The following LGI3 variants were observed in gnomAD, a reference collection of about 807,000 sequenced individuals.
LGI3 encodes leucine-rich repeat LGI family member 3.
LGI3 carries 47 observed loss-of-function variants against 55.4 expected under a neutral mutation model. That is an observed-to-expected ratio of 0.85 (90% confidence interval 0.67 to 1.08). The LOEUF (loss-of-function observed/expected upper bound fraction) is 1.08. Among genes scored for constraint, LGI3 ranks in the 50% least tolerant of loss-of-function variants. LGI3 has a pLI of 0.00. For missense variants in LGI3, 664 were observed against 726.3 expected, an observed-to-expected ratio of 0.91 and a Z score of 0.99; for synonymous variants, 326 against 315.0, an observed-to-expected ratio of 1.04 and a Z score of -0.37.
chr8:22,151,790 G>A, intron 6 of LGI3, 41 bp downstream of exon 6: 1 of 1,583,068 alleles, frequency 6.3e-7, no homozygotes, highest in Non-Finnish European at 8.6e-7. Flanking sequence ...GCTGCCTTGG[G>A]GTAGGCGTGG....
intron 1 of LGI3, 53 bp from the exon 2 acceptor site, chr8:22,155,516 C>T (rs753460412): frequency 1.3e-6 from 2 of 1,486,830 alleles, no homozygotes; most frequent in South Asian, 1.1e-5. Context: ...TGTGCTGAGG[C>T]AGGGAGAGGT....
rs765995086 is a variant in LGI3 at position 22,148,637 on chromosome 8, C to T, written c.1170G>A (p.Leu390=). The change falls in exon 8 of 8, where the codon CTG becomes CTA. Residue 390 remains leucine, a synonymous_variant. Transcript: ENST00000306317. This position sits in a 1 kb window ranked among gnomAD's most constrained non-coding sequence, Gnocchi z 7.0. ...GTGCCTGGGAGCTGCTGGACACAAT[C>T]AGCCGTGGCTTGCCCTCGCCGTCCA... ...EFVDGEGKPR[L]IVSSSSQAPV... 1 of 1,614,022 alleles carries T rather than the reference C, an allele frequency of 6.2e-7. No homozygotes were observed. Among genetic ancestry groups the T allele is most frequent in the Admixed American group, 1.7e-5 (1 of 60,034 alleles).
intron 2 of LGI3, 87 bp from the exon 3 acceptor site, chr8:22,154,718 C>T (rs1369070934): frequency 3.0e-6 from 3 of 987,940 alleles, no homozygotes; most frequent in East Asian, 2.4e-5. Flanking sequence ...TGGGCTTCCC[C>T]AAGACATGAC....
chr8:22,154,274 C>A, intron 3 of LGI3, 61 bp from the exon 4 acceptor site: 1 of 1,344,700 alleles, frequency 7.4e-7, no homozygotes, highest in Non-Finnish European at 1.1e-6. Flanking sequence ...CAGCAGCACT[C>A]GCCCTACGCC....
chr8:22,148,166 A>T lies in LGI3; in HGVS notation c.1641T>A (p.Ser547Arg). Residue 547 changes from serine to arginine, a missense_variant, in exon 8 of 8, where the codon AGT (serine) becomes AGA (arginine). Coordinates refer to ENST00000306317, the MANE Select transcript of LGI3 (RefSeq NM_139278.4). This position sits in a 1 kb window ranked among gnomAD's most constrained non-coding sequence, Gnocchi z 7.0. ...CCAGAGGCCTCGGCACCCCCTAGGC[A>T]CTGAGATCCACCACAATGTGTCTAT... Reference protein sequence around the residue: ...LVYRHIVVDLSA With the variant: ...LVYRHIVVDLRA The T allele has an allele frequency of 6.3e-7, 1 of 1,594,898 alleles. No homozygotes were observed. Among genetic ancestry groups the T allele is most frequent in the Non-Finnish European group, 8.5e-7 (1 of 1,170,886 alleles).
intron 5 of LGI3, among the ~76,000 whole-genome samples, chr8:22,153,145 C>T (rs1028131359): frequency 1.3e-5 from 2 of 148,354 alleles, no homozygotes; most frequent in South Asian, 4.3e-4. Context: ...AGTGCAATGG[C>T]ATGATCTTGG....
chr8:22,150,609 C>T (rs942370789), intron 7 of LGI3, among the ~76,000 whole-genome samples: 44 of 152,198 alleles, frequency 2.9e-4, no homozygotes, highest in African/African-American at 8.9e-4. Flanking sequence ...CCACCCGCCT[C>T]GGCCTCCCAA....
intron 1 of LGI3, among the ~76,000 whole-genome samples, chr8:22,155,860 C>G (rs999507785): frequency 6.6e-6 from 1 of 152,256 alleles, no homozygotes; most frequent in African/African-American, 2.4e-5. Flanking sequence ...CAAGGGGGAG[C>G]CCCTGAGGCT....
At position 22,155,050 on chromosome 8, in the gene LGI3, G is replaced by A. The variant is rs1481851300; in HGVS notation, c.278+342C>T. On this transcript the variant is annotated intron_variant, in intron 2 of 7. Transcript: ENST00000306317. Reference sequence around the variant, plus strand: ...GCTCTTTCTGGGAACTCTGATTCCTGGGATCACCTGTCTCTAAGATGGCCC... The same window carrying A: ...GCTCTTTCTGGGAACTCTGATTCCTAGGATCACCTGTCTCTAAGATGGCCC... 3 of 417,840 alleles carry A rather than the reference G, an allele frequency of 7.2e-6. No homozygotes were observed. The East Asian group carries it at 1.4e-4, about 19-fold the overall frequency. The allele number at this position is 417,840 out of a possible 1,614,324, so 25.9% of individuals were successfully genotyped here.
At chr8:22,152,598 C>T (rs1439163599) in intron 5 of LGI3, among the ~76,000 whole-genome samples, 1 of 151,858 alleles carries the variant, frequency 6.6e-6, no homozygotes, top group Non-Finnish European at 1.5e-5. Flanking sequence ...AAAAATTACC[C>T]AGGCATGGTG....
In LGI3 at chr8:22,148,928, G is replaced by T; in HGVS notation, c.879C>A (p.Tyr293Ter). 1 of 1,613,988 alleles carries T rather than the reference G, an allele frequency of 6.2e-7. No individual in the cohort carries two copies. Among genetic ancestry groups the T allele is most frequent in the Non-Finnish European group, 8.5e-7 (1 of 1,179,944 alleles). Residue 293 changes from tyrosine to a stop codon, truncating the protein, a stop_gained, in exon 8 of 8, where the codon TAC becomes TAA. Transcript: ENST00000306317. LOFTEE classifies it high-confidence loss of function. This position sits in a 1 kb window ranked among gnomAD's most constrained non-coding sequence, Gnocchi z 7.0. Reference protein sequence around the residue: ...CKPMVVDSQLYVVVAQLFGGS... With the variant: ...CKPMVVDSQL ...CGCCAAACAGCTGGGCCACGACCAC[G>T]TACAGCTGGCTGTCCACCACCATCG... is the stretch of plus-strand genomic sequence containing the variant.
chr8:22,156,496 G>T lies in LGI3; in HGVS notation c.47C>A (p.Ala16Glu), dbSNP rs1457219683. Residue 16 changes from alanine (A) to glutamate (E), a missense_variant, in exon 1 of 8, where the codon GCG becomes GAG. By Grantham distance (107) the Ala-to-Glu change is moderately radical (BLOSUM62 -1). Transcript: ENST00000306317. ...ARGGPGPGLL[A>E]LSALGFCLML... The stretch of plus-strand genomic sequence containing the variant: ...GAGGCAGAAGCCGAGCGCGGAGAGC[G>T]CCAGCAGCCCCGGCCCCGGGCCCCC... 7.1e-7 allele frequency: 1 copy of T among 1,413,460 alleles called. No homozygotes were observed. Among genetic ancestry groups the T allele is most frequent in the Non-Finnish European group, 9.2e-7 (1 of 1,084,140 alleles). The allele number at this position is 1,413,460 out of a possible 1,614,324, so 87.6% of individuals were successfully genotyped here.
chr8:22,152,678 T>C (rs1394406571), intron 5 of LGI3, among the ~76,000 whole-genome samples: 6 of 149,470 alleles, frequency 4.0e-5, no homozygotes, highest in Admixed American at 6.7e-5. Flanking sequence ...GAGGCAGAGG[T>C]TGCAGTGAGC....
rs778186127 is a variant in LGI3, at chr8:22,156,372, C to T, written c.171G>A (p.Ala57=). The change falls in exon 1 of 8, where the codon GCG becomes GCA. Residue 57 remains alanine, a synonymous_variant. Transcript: ENST00000306317. ...RDTAFCVDSK[A]VPRNLPSEVI... is the part of the protein sequence containing the mutation. Reference sequence around the variant, plus strand: ...CCTCCGAGGGCAGGTTCCTGGGCACCGCCTTTGAGTCCACGCAGAAGGCGG... The same window carrying T: ...CCTCCGAGGGCAGGTTCCTGGGCACTGCCTTTGAGTCCACGCAGAAGGCGG... 6.2e-7 allele frequency: 1 copy of T among 1,606,554 alleles called. No individual in the cohort carries two copies. Among genetic ancestry groups the T allele is most frequent in the African/African-American group, 1.3e-5 (1 of 74,204 alleles).
At chr8:22,152,908 G>A (rs1649159355) in intron 5 of LGI3, among the ~76,000 whole-genome samples, 1 of 151,064 alleles carries the variant, frequency 6.6e-6, no homozygotes, top group Admixed American at 6.6e-5. Context: ...AAATTAGCCA[G>A]GTGTGGTGGT....
In LGI3 at chr8:22,152,066, G is replaced by T. The variant is rs1408837179; in HGVS notation, c.495-66C>A. 6 of 1,347,406 alleles carry T rather than the reference G, an allele frequency of 4.5e-6. No individual in the cohort carries two copies. The Admixed American group carries it at 1.2e-4, about 27-fold the overall frequency. 83.5% of individuals were successfully genotyped at this position (1,347,406 alleles called of 1,614,324 possible). A position where few individuals can be genotyped will look rare whatever the true frequency, so the allele number is the denominator to read the frequency against. On this transcript the variant is annotated intron_variant, in intron 5 of 7. Transcript: ENST00000306317. ...ATGCTCTCAGGGCTCTGCCTACCCA[G>T]GCCCTCCAGGTTTTCAGAAATAGAG...
At chr8:22,149,084 C>CTCTG in intron 7 of LGI3, 107 bp from the exon 8 acceptor site, 1 of 714,082 alleles carries the variant, frequency 1.4e-6, no homozygotes. Context: ...AGGACTAAGA[C>CTCTG]TCTGCGCTAT....
At chr8:22,153,204 C>T (rs1010428876) in intron 5 of LGI3, among the ~76,000 whole-genome samples, 1 of 151,108 alleles carries the variant, frequency 6.6e-6, no homozygotes, top group African/African-American at 2.4e-5. Flanking sequence ...CCTGCCTCAA[C>T]CTTCCAAGTA....
chr8:22,156,591 C>G lies in LGI3; in HGVS notation c.-49G>C. 1 of 716,434 alleles carries G rather than the reference C, an allele frequency of 1.4e-6. No homozygotes were observed. Among genetic ancestry groups the G allele is most frequent in the Non-Finnish European group, 1.9e-6 (1 of 531,938 alleles). 44.4% of individuals were successfully genotyped at this position (716,434 alleles called of 1,614,324 possible). ...GCCGGCGGCCGCGGCCCCCGCCCCA[C>G]CGCTCCCGCGGCTGGGCCACCCCGC... is the stretch of plus-strand genomic sequence containing the variant. On this transcript the variant is annotated 5_prime_UTR_variant, in exon 1 of 8. Transcript: ENST00000306317.
Sources: gnomAD v4.1 joint callset for allele counts (sites outside exome capture counted in the v4.1 genomes callset) on GRCh38, gnomAD v4.1.1 for gene constraint, Gnocchi (gnomAD v3.1) non-coding constraint, MANE v1.5 for transcripts, NCBI Gene and HGNC (gene_info 2026-07-23, HGNC 2026-07-21) for gene names.